The following THSD4 variants were observed in gnomAD, a reference collection of about 807,000 sequenced individuals.
The protein encoded by THSD4 is thrombospondin type 1 domain containing 4, also known as thrombospondin type-1 domain-containing protein 4.
THSD4 carries 69 observed loss-of-function variants against 119.0 expected under a neutral mutation model. The ratio of observed to expected loss-of-function variants is 0.58; its 90% confidence interval spans 0.48 to 0.71. The LOEUF is 0.71. Among genes scored for constraint, THSD4 ranks in the 30% least tolerant of loss-of-function variants. THSD4 has a pLI of 0.00. For missense variants in THSD4, 1,393 were observed against 1,391.1 expected (o/e 1.00, Z -0.02); for synonymous variants, 524 against 540.4 (o/e 0.97, Z 0.42).
At chr15:71,734,734 C>G (rs189938341) in intron 10 of THSD4, among the ~76,000 whole-genome samples, 2 of 151,116 alleles carry the variant, frequency 1.3e-5, no homozygotes, top group African/African-American at 4.9e-5. Flanking sequence ...GACCCTGTGC[C>G]TGTGTGGTGG....
chr15:71,277,151 G>C (rs546650154), intron 6 of THSD4, among the ~76,000 whole-genome samples: 51 of 68,282 alleles, frequency 7.5e-4, no homozygotes, highest in Admixed American at 1.8e-3. Context: ...TTGAAACGGA[G>C]TTTCACTCTT....
chr15:71,518,124 A>G (rs1485773550), intron 7 of THSD4, among the ~76,000 whole-genome samples: 1 of 152,202 alleles, frequency 6.6e-6, no homozygotes, highest in African/African-American at 2.4e-5. Context: ...TGCATTGCTC[A>G]ATTCCATGAA....
At chr15:71,453,453 C>A (rs1332364976) in intron 7 of THSD4, among the ~76,000 whole-genome samples, 2 of 152,106 alleles carry the variant, frequency 1.3e-5, no homozygotes, top group African/African-American at 4.8e-5. Context: ...GGCCATGGAG[C>A]AACACGGTGT....
chr15:71,696,340 C>G (rs910969359), intron 8 of THSD4, among the ~76,000 whole-genome samples: 6 of 152,054 alleles, frequency 3.9e-5, no homozygotes, highest in African/African-American at 1.4e-4. Context: ...TTATAACAAC[C>G]CACTCTTTTG....
At chr15:71,716,045 G>A (rs1014258541) in intron 8 of THSD4, among the ~76,000 whole-genome samples, 24 of 152,142 alleles carry the variant, frequency 1.6e-4, no homozygotes, top group Admixed American at 6.5e-4. Flanking sequence ...TGAAATCAAG[G>A]TGTCAGCAGG....
At chr15:71,594,583 C>A (rs2049872278) in intron 7 of THSD4, among the ~76,000 whole-genome samples, 1 of 152,114 alleles carries the variant, frequency 6.6e-6, no homozygotes, top group Admixed American at 6.6e-5. Context: ...AAGAGGCTCC[C>A]CACATTGCCT....
intron 6 of THSD4, among the ~76,000 whole-genome samples, chr15:71,340,575 T>C (rs1385953740): frequency 6.6e-6 from 1 of 151,770 alleles, no homozygotes; most frequent in Non-Finnish European, 1.5e-5. Flanking sequence ...TGTAGGTCCA[T>C]GTTTGGGCCT....
chr15:71,341,624 C>T lies in THSD4; in HGVS notation c.1016-70063C>T, dbSNP rs547966687. ...ACCCTTGATGGCCTGAGCAGTTTCACGAGTGTTCTTAAAGTGAACACGAAG... is the reference window on the plus strand; with the variant it reads ...ACCCTTGATGGCCTGAGCAGTTTCATGAGTGTTCTTAAAGTGAACACGAAG... On this transcript the variant is annotated intron_variant, in intron 6 of 17. Coordinates refer to ENST00000261862, the MANE Select transcript of THSD4 (RefSeq NM_024817.3). 2.1e-4 allele frequency: 339 copies of T among 1,589,520 alleles called. 9 individuals are homozygous for T. The South Asian group carries it at 2.5e-3, about 12-fold the overall frequency.
At chr15:71,278,885 C>T (rs907626128) in intron 6 of THSD4, among the ~76,000 whole-genome samples, 10 of 152,058 alleles carry the variant, frequency 6.6e-5, no homozygotes, top group East Asian at 1.9e-4. Context: ...AAAATTTTAT[C>T]GAGTGAGCCA....
intron 7 of THSD4, among the ~76,000 whole-genome samples, chr15:71,495,088 G>T (rs1350634503): frequency 6.6e-6 from 1 of 152,186 alleles, no homozygotes; most frequent in Non-Finnish European, 1.5e-5. Context: ...TTTTCAGAAA[G>T]CGGGGAGAAG....
chr15:71,701,185 A>C (rs990664241), intron 8 of THSD4, among the ~76,000 whole-genome samples: 3 of 152,198 alleles, frequency 2.0e-5, no homozygotes, highest in African/African-American at 7.2e-5. Context: ...AGATAAAACA[A>C]CCCAATGTAA....
At chr15:71,339,259 C>T (rs759970471) in intron 6 of THSD4, among the ~76,000 whole-genome samples, 2 of 152,000 alleles carry the variant, frequency 1.3e-5, no homozygotes, top group Non-Finnish European at 2.9e-5. Context: ...CTCTGTCTAC[C>T]CAAACTGTTA....
intron 7 of THSD4, among the ~76,000 whole-genome samples, chr15:71,631,975 CT>C (rs1257934775): frequency 6.6e-6 from 1 of 152,184 alleles, no homozygotes; most frequent in African/African-American, 2.4e-5. Flanking sequence ...TTGTGTCTTA[CT>C]AGCCGAGATA....
chr15:71,589,400 G>A lies in THSD4; in HGVS notation c.1153-71130G>A, dbSNP rs999080701. 1.5e-5 allele frequency among the ~76,000 whole-genome samples: 2 copies of A among 137,702 alleles called. 1 individual carries two copies. Among genetic ancestry groups the A allele is most frequent in the Admixed American group, 1.5e-4 (2 of 13,562 alleles). The allele number at this position is 137,702 out of a possible 152,430, so 90.3% of individuals were successfully genotyped here. ...GGAGACAGAGTCTCACTGTCATTCA[G>A]GCTGGAGTGCAGGAGCACAATAATG... On this transcript the variant is annotated intron_variant, in intron 7 of 17. Coordinates refer to ENST00000261862, the MANE Select transcript of THSD4 (RefSeq NM_024817.3).
intron 6 of THSD4, among the ~76,000 whole-genome samples, chr15:71,344,649 A>G (rs532316167): frequency 6.0e-4 from 92 of 152,302 alleles, no homozygotes; most frequent in African/African-American, 2.1e-3. Context: ...TAATTTAGGA[A>G]AAATAATAAA....
Position 71,466,805 on chromosome 15 carries a change from C to T in THSD4, c.1152+54982C>T, listed in dbSNP as rs538874734. Among the ~76,000 whole-genome samples, 4 of 152,328 alleles carry T rather than the reference C, an allele frequency of 2.6e-5. No individual in the cohort carries two copies. In the South Asian group the frequency reaches 8.3e-4, roughly 32 times the overall value. ...TGGAGGAACTCTATTCACATCACCC[C>T]TTAGTCACACAGTCCTCCCCTCATG... On this transcript the variant is annotated intron_variant, in intron 7 of 17. Coordinates refer to ENST00000261862, the MANE Select transcript of THSD4 (RefSeq NM_024817.3).
chr15:71,341,320 T>C, intron 6 of THSD4: 27 of 1,604,174 alleles, frequency 1.7e-5, no homozygotes, highest in Non-Finnish European at 2.2e-5. Context: ...GACCATGAGC[T>C]CTGTAGGTCC....
At chr15:71,470,737 G>A (rs1169227660) in intron 7 of THSD4, among the ~76,000 whole-genome samples, 12 of 151,828 alleles carry the variant, frequency 7.9e-5, no homozygotes, top group East Asian at 5.8e-4. Context: ...CCGGGTTCAC[G>A]CCATTCTCCT....
chr15:71,498,522 G>T (rs924886139), intron 7 of THSD4, among the ~76,000 whole-genome samples: 1 of 151,954 alleles, frequency 6.6e-6, no homozygotes, highest in Non-Finnish European at 1.5e-5. Context: ...CCTCCTTGCA[G>T]AGTCCCATCT....
Sources: gnomAD v4.1 joint callset for allele counts (sites outside exome capture counted in the v4.1 genomes callset) on GRCh38, gnomAD v4.1.1 for gene constraint, MANE v1.5 for transcripts, NCBI Gene and HGNC (gene_info 2026-07-23, HGNC 2026-07-21) for gene names.